LIN52: variants seen among roughly 807,000 people sequenced by gnomAD.
LIN52 encodes the protein protein lin-52 homolog.
Under a neutral mutation model 18.5 loss-of-function variants are expected in LIN52, and 4 were observed. The ratio of observed to expected loss-of-function variants is 0.22; its 90% CI spans 0.11 to 0.49. The LOEUF (loss-of-function observed/expected upper bound fraction) is 0.49. Among genes scored for constraint, LIN52 ranks in the 20% least tolerant of loss-of-function variants. The probability of loss-of-function intolerance (pLI) is 0.97; values close to 1 mark genes in which losing one functional copy is unlikely to be tolerated. For synonymous variants in LIN52, 34 were observed against 45.5 expected (o/e 0.75, Z 1.02); for missense variants, 102 against 139.5 (o/e 0.73, Z 1.35).
At chr14:74,184,808 G>A (rs1334638444) in intron 5 of LIN52, among the ~76,000 whole-genome samples, 1 of 152,028 alleles carries the variant, frequency 6.6e-6, no homozygotes, top group Non-Finnish European at 1.5e-5. Context: ...TGTATTTGTT[G>A]TATTTAGATC....
chr14:74,143,567 G>T (rs933843995), intron 5 of LIN52, among the ~76,000 whole-genome samples: 1 of 151,398 alleles, frequency 6.6e-6, no homozygotes. Context: ...CACATAGTCC[G>T]CCAAAAAAGC....
intron 5 of LIN52, among the ~76,000 whole-genome samples, chr14:74,183,953 A>G (rs955510749): frequency 6.6e-6 from 1 of 152,228 alleles, no homozygotes; most frequent in African/African-American, 2.4e-5. Context: ...TGTTTGAATC[A>G]GGATCCAAAC....
In LIN52 at chr14:74,199,263, G is replaced by A. The variant is rs1052620052; in HGVS notation, c.*286G>A. The A allele has an allele frequency of 4.1e-5, 12 of 290,196 alleles. No individual in the cohort carries two copies. Among genetic ancestry groups the A allele is most frequent in the South Asian group, 1.3e-4 (1 of 7,910 alleles). 18.0% of individuals were successfully genotyped at this position (290,196 alleles called of 1,614,324 possible). The stretch of plus-strand genomic sequence containing the variant: ...TGAGGGCATATCATTCTTAAAGGTC[G>A]AAGTCCTGCTTTCTCATTTCTGGAA... On this transcript the variant is annotated 3_prime_UTR_variant, in exon 6 of 6. Transcript: ENST00000555028.
intron 5 of LIN52, among the ~76,000 whole-genome samples, chr14:74,192,194 A>G (rs1248388341): frequency 2.6e-5 from 2 of 77,334 alleles, no homozygotes; most frequent in African/African-American, 1.0e-4. Flanking sequence ...CCTGTAAAGC[A>G]GCAGCTAAGG....
intron 5 of LIN52, among the ~76,000 whole-genome samples, chr14:74,164,296 T>C (rs968209482): frequency 6.7e-6 from 1 of 149,514 alleles, no homozygotes; most frequent in Non-Finnish European, 1.5e-5. Flanking sequence ...TGTTTTTTTT[T>C]GCTTTTGAGA....
At chr14:74,144,471 A>G (rs7152182) in intron 5 of LIN52, among the ~76,000 whole-genome samples, 117,946 of 152,042 alleles carry the variant, frequency 0.78, 46,076 homozygotes, top group Admixed American at 0.81. Flanking sequence ...CTCTCCTAGG[A>G]AGAATGCAGC....
rs181288826 is a variant in LIN52 at position 74,198,305 on chromosome 14, A to G, written c.284-617A>G. Among the ~76,000 whole-genome samples, 84 of 152,308 alleles carry G rather than the reference A, an allele frequency of 5.5e-4. 1 individual carries two copies. Among genetic ancestry groups the G allele is most frequent in the Non-Finnish European group, 6.5e-4 (44 of 68,022 alleles). On this transcript the variant is annotated intron_variant, in intron 5 of 5. Coordinates refer to ENST00000555028, the MANE Select transcript of LIN52 (RefSeq NM_001024674.3). ...GATTGATGGTGCTGAAAGCCGGAGA[A>G]AGACACATAAACCTTGGCTGGCTAT... is the stretch of plus-strand genomic sequence containing the variant.
intron 3 of LIN52, among the ~76,000 whole-genome samples, chr14:74,096,527 C>T (rs1336730557): frequency 6.6e-6 from 1 of 151,440 alleles, no homozygotes; most frequent in African/African-American, 2.4e-5. Context: ...GAAAAAAATA[C>T]CTACTTTATA....
At chr14:74,138,217 G>A (rs1358273788) in intron 5 of LIN52, among the ~76,000 whole-genome samples, 1 of 152,212 alleles carries the variant, frequency 6.6e-6, no homozygotes, top group Non-Finnish European at 1.5e-5. Context: ...AGAGGGAAAA[G>A]TGAGGTAAAT....
chr14:74,170,089 A>G (rs2061264253), intron 5 of LIN52, among the ~76,000 whole-genome samples: 1 of 152,212 alleles, frequency 6.6e-6, no homozygotes, highest in South Asian at 2.1e-4. Flanking sequence ...ACAGGAACAG[A>G]AGTGTGAAGT....
intron 5 of LIN52, among the ~76,000 whole-genome samples, chr14:74,151,243 C>T (rs977782985): frequency 1.3e-5 from 2 of 152,008 alleles, no homozygotes; most frequent in Non-Finnish European, 2.9e-5. Flanking sequence ...CCAGAAAGAA[C>T]ATTTTATTAT....
intron 5 of LIN52, among the ~76,000 whole-genome samples, chr14:74,117,247 T>C (rs1013310682): frequency 2.0e-5 from 3 of 152,208 alleles, no homozygotes; most frequent in Non-Finnish European, 4.4e-5. Flanking sequence ...TGGTAGGCTG[T>C]TGGGTCATGG....
chr14:74,180,130 G>A (rs921855589), intron 5 of LIN52, among the ~76,000 whole-genome samples: 30 of 152,122 alleles, frequency 2.0e-4, no homozygotes, highest in African/African-American at 7.2e-4. Flanking sequence ...CCTGATATCC[G>A]CACCTGGCCC....
At chr14:74,086,932 A>G (rs141365798) in intron 1 of LIN52, among the ~76,000 whole-genome samples, 11 of 147,832 alleles carry the variant, frequency 7.4e-5, no homozygotes, top group African/African-American at 2.0e-4. Context: ...AAATTTATGT[A>G]TATTTCACCA....
chr14:74,193,247 C>CAAA (rs55829983), intron 5 of LIN52, among the ~76,000 whole-genome samples: 23 of 139,568 alleles, frequency 1.6e-4, no homozygotes, highest in African/African-American at 5.0e-4. Flanking sequence ...CCTGTCTCCA[C>CAAA]AAAAAAAAAA....
chr14:74,170,060 A>G (rs1276826196), intron 5 of LIN52, among the ~76,000 whole-genome samples: 1 of 152,200 alleles, frequency 6.6e-6, no homozygotes, highest in Non-Finnish European at 1.5e-5. Flanking sequence ...GGCCTGTTTA[A>G]GTAATTAGAA....
intron 5 of LIN52, among the ~76,000 whole-genome samples, chr14:74,111,216 T>A (rs1041029085): frequency 2.0e-5 from 3 of 152,242 alleles, no homozygotes; most frequent in Non-Finnish European, 2.9e-5. Flanking sequence ...CCCATCTAGA[T>A]AAAATTCTAA....
intron 5 of LIN52, among the ~76,000 whole-genome samples, chr14:74,118,583 G>T (rs531882268): frequency 5.3e-5 from 8 of 152,066 alleles, no homozygotes; most frequent in African/African-American, 1.9e-4. Flanking sequence ...AGACCAGCCT[G>T]GGCAACATGA....
At position 74,091,606 on chromosome 14, in the gene LIN52, T is replaced by TA. The variant is rs1393236659; in HGVS notation, c.94+310dup. ...CAACATGGTGAAACCCTGTCTCTACTAAAAAAAAAATAGAAATATTAGCTG... is the reference window on the plus strand; with the variant it reads ...CAACATGGTGAAACCCTGTCTCTACTAAAAAAAAAAATAGAAATATTAGCTG... On this transcript the variant is annotated intron_variant, in intron 2 of 5. Transcript: ENST00000555028. 7.5e-3 allele frequency among the ~76,000 whole-genome samples: 1,100 copies of TA among 146,378 alleles called. 12 individuals carry two copies. The highest frequency in any genetic ancestry group is 0.025 in the African/African-American group (1,018 of 40,066).
Sources: gnomAD v4.1 joint callset for allele counts (sites outside exome capture counted in the v4.1 genomes callset) on GRCh38, gnomAD v4.1.1 for gene constraint, MANE v1.5 for transcripts, NCBI Gene and HGNC (gene_info 2026-07-23, HGNC 2026-07-21) for gene names.